The following DPH6 variants were observed in gnomAD, a reference collection of about 807,000 sequenced individuals.
DPH6 encodes the protein diphthine--ammonia ligase.
Under a neutral mutation model 38.2 loss-of-function variants are expected in DPH6, and 33 were observed. The observed-to-expected ratio is 0.86, with a 90% CI of 0.65 to 1.15. DPH6 has a LOEUF of 1.15. DPH6 is among the 50% of genes most tolerant of loss of function. The probability of loss-of-function intolerance (pLI) is 0.00; values close to 1 mark genes in which losing one functional copy is unlikely to be tolerated. For synonymous variants in DPH6, 108 were observed against 103.0 expected, an observed-to-expected ratio of 1.05 and a Z score of -0.30; for missense variants, 325 against 320.0, an observed-to-expected ratio of 1.02 and a Z score of -0.12.
intron 3 of DPH6, among the ~76,000 whole-genome samples, chr15:35,482,171 G>T (rs772222111): frequency 1.4e-4 from 22 of 152,202 alleles, no homozygotes; most frequent in Non-Finnish European, 2.6e-4. Context: ...TGTAACAACT[G>T]TGATCTCCTG....
chr15:35,340,718 G>C (rs1274124799), intron 3 of DPH6, among the ~76,000 whole-genome samples: 4 of 152,164 alleles, frequency 2.6e-5, no homozygotes, highest in Non-Finnish European at 5.9e-5. Flanking sequence ...AATCTCTTCT[G>C]GCTTGTGGGG....
At chr15:35,513,761 T>C (rs1004891631) in intron 3 of DPH6, among the ~76,000 whole-genome samples, 1 of 151,896 alleles carries the variant, frequency 6.6e-6, no homozygotes, top group Non-Finnish European at 1.5e-5. Flanking sequence ...TATTTTCTCT[T>C]CCCAAACATA....
At chr15:35,245,642 T>C (rs1301442386) in intron 3 of DPH6, among the ~76,000 whole-genome samples, 1 of 152,176 alleles carries the variant, frequency 6.6e-6, no homozygotes. Context: ...GAAGGTTGAT[T>C]TCATTTTCCA....
intron 6 of DPH6, among the ~76,000 whole-genome samples, chr15:35,407,923 A>C (rs982503090): frequency 4.6e-5 from 7 of 151,950 alleles, no homozygotes; most frequent in African/African-American, 1.7e-4. Context: ...ACCCACTTAC[A>C]TTTTAAACAA....
At chr15:35,395,095 CTT>C (rs2053114197) in intron 6 of DPH6, among the ~76,000 whole-genome samples, 2 of 152,142 alleles carry the variant, frequency 1.3e-5, no homozygotes. Flanking sequence ...CTTTCTCAAC[CTT>C]GTTCTCTGCA....
chr15:35,151,858 G>A, the DPH6 span, among the ~76,000 whole-genome samples: 1,262 of 152,310 alleles, frequency 8.3e-3, 15 homozygotes, highest in African/African-American at 0.029. Context: ...GAAATGCTCA[G>A]CAAGTCCACT....
the DPH6 span, among the ~76,000 whole-genome samples, chr15:35,195,315 A>G: frequency 6.6e-6 from 1 of 152,152 alleles, no homozygotes; most frequent in Non-Finnish European, 1.5e-5. Context: ...TCATTCATCC[A>G]CTGATGGACA....
chr15:35,179,204 CAAAAAAAAAAAA>C, the DPH6 span, among the ~76,000 whole-genome samples: 364 of 50,612 alleles, frequency 7.2e-3, 1 homozygote, highest in African/African-American at 0.027. Flanking sequence ...ACAACTCTGT[CAAAAAAAAAAAA>C]AAAAAAAAAA....
chr15:35,478,307 A>G (rs1409695771), intron 3 of DPH6, among the ~76,000 whole-genome samples: 1 of 149,372 alleles, frequency 6.7e-6, no homozygotes, highest in African/African-American at 2.5e-5. Context: ...TAAAATTTTA[A>G]AGAAAAAAAT....
At chr15:35,379,705 G>T (rs923615450) in intron 7 of DPH6, among the ~76,000 whole-genome samples, 1 of 152,058 alleles carries the variant, frequency 6.6e-6, no homozygotes, top group African/African-American at 2.4e-5. Flanking sequence ...TGCCAAATGA[G>T]GATATTTCCC....
At chr15:35,415,791 T>C (rs2053428556) in intron 5 of DPH6, among the ~76,000 whole-genome samples, 1 of 152,052 alleles carries the variant, frequency 6.6e-6, no homozygotes, top group South Asian at 2.1e-4. Flanking sequence ...ATCATTGAAG[T>C]AAATAACATT....
At chr15:35,387,973 G>C (rs2052994806) in intron 6 of DPH6, among the ~76,000 whole-genome samples, 1 of 152,074 alleles carries the variant, frequency 6.6e-6, no homozygotes, top group South Asian at 2.1e-4. Context: ...GATATTGGCT[G>C]TGGGTTTGTC....
At chr15:35,524,677 TA>T (rs140600147) in intron 3 of DPH6, among the ~76,000 whole-genome samples, 1,561 of 152,248 alleles carry the variant, frequency 0.01, 23 homozygotes, top group African/African-American at 0.036. Context: ...GATGTAAGGA[TA>T]AAATTAGAAT....
chr15:35,401,318 G>C lies in DPH6; in HGVS notation c.567+9517C>G, dbSNP rs539560502. The C allele has an allele frequency of 3.3e-5, 26 of 791,492 alleles. No homozygotes were observed. In the Middle Eastern group the frequency reaches 1.4e-3, roughly 43 times the overall value. The allele number at this position is 791,492 out of a possible 1,614,324, so 49.0% of individuals were successfully genotyped here. On this transcript the variant is annotated intron_variant, in intron 6 of 8. Transcript: ENST00000256538. ...AACTTTGGTAGTGGAGGAAACTTCA[G>C]TGATCATGGTGGCTTTGGTGGCAGC...
At chr15:35,331,250 T>C (rs529279774) in intron 3 of DPH6, among the ~76,000 whole-genome samples, 4 of 152,334 alleles carry the variant, frequency 2.6e-5, no homozygotes, top group African/African-American at 9.6e-5. Flanking sequence ...CACTGGGTTT[T>C]AATAAGTGAA....
chr15:35,392,022 C>T (rs1465915102), intron 6 of DPH6, among the ~76,000 whole-genome samples: 1 of 70,066 alleles, frequency 1.4e-5, no homozygotes, highest in Non-Finnish European at 2.7e-5. Flanking sequence ...GTGCTGTGTT[C>T]TCTTTTAGAG....
At chr15:35,486,030 A>G (rs978791123) in intron 3 of DPH6, among the ~76,000 whole-genome samples, 14 of 152,234 alleles carry the variant, frequency 9.2e-5, no homozygotes, top group South Asian at 4.1e-4. Context: ...TCATGCTGCT[A>G]TAAAGAAACA....
chr15:35,405,908 G>A (rs955905318), intron 6 of DPH6, among the ~76,000 whole-genome samples: 3 of 151,668 alleles, frequency 2.0e-5, no homozygotes, highest in South Asian at 2.1e-4. Context: ...TATCATGAAG[G>A]GATGTTGAAG....
chr15:35,222,601 C>T lies in DPH6; in HGVS notation n.201-2019G>A, dbSNP rs144131856. On this transcript the variant is annotated intron_variant and non_coding_transcript_variant, in intron 3 of 3. Transcript: ENST00000560386. Reference sequence around the variant, plus strand: ...GCATTCTTTTGAGTCTTTGACTAGCCTTTCACTGAATACACAATTCACATA... The same window carrying T: ...GCATTCTTTTGAGTCTTTGACTAGCTTTTCACTGAATACACAATTCACATA... Among the ~76,000 whole-genome samples, 772 of 152,234 alleles carry T rather than the reference C, an allele frequency of 5.1e-3. 6 individuals are homozygous for T. The highest frequency in any genetic ancestry group is 0.018 in the African/African-American group (734 of 41,536).
Sources: gnomAD v4.1 joint callset for allele counts (sites outside exome capture counted in the v4.1 genomes callset) on GRCh38, gnomAD v4.1.1 for gene constraint, MANE v1.5 for transcripts, NCBI Gene and HGNC (gene_info 2026-07-23, HGNC 2026-07-21) for gene names.